The following VRK2 variants were observed in gnomAD, a reference collection of about 807,000 sequenced individuals.
VRK2 encodes the protein VRK serine/threonine kinase 2, also known as serine/threonine-protein kinase VRK2.
Under a neutral mutation model 57.6 loss-of-function variants are expected in VRK2, and 60 were observed. The observed-to-expected ratio is 1.04, with a 90% CI of 0.85 to 1.29. The LOEUF (loss-of-function observed/expected upper bound fraction) is 1.29. VRK2 is among the 50% of genes most tolerant of loss of function. The pLI, the probability that VRK2 is intolerant of heterozygous loss-of-function variation, is 0.00. For synonymous variants in VRK2, 231 were observed against 199.2 expected, an observed-to-expected ratio of 1.16 and a Z score of -1.35; for missense variants, 705 against 588.1, an observed-to-expected ratio of 1.20 and a Z score of -2.06.
At chr2:58,140,035 CTACTA>C (rs1681091017) in intron 11 of VRK2, among the ~76,000 whole-genome samples, 1 of 151,984 alleles carries the variant, frequency 6.6e-6, no homozygotes, top group African/African-American at 2.4e-5. Flanking sequence ...GATCTGTGGC[CTACTA>C]TGTACTATGA....
chr2:58,132,004 A>T (rs1270498331), intron 9 of VRK2, 76 bp downstream of exon 9: 2 of 1,547,362 alleles, frequency 1.3e-6, no homozygotes, highest in South Asian at 1.2e-5. Flanking sequence ...AACAACACAG[A>T]GAAGATTGGC....
chr2:58,138,102 C>T (rs1680807832), intron 10 of VRK2, among the ~76,000 whole-genome samples: 1 of 152,168 alleles, frequency 6.6e-6, no homozygotes, highest in Non-Finnish European at 1.5e-5. Flanking sequence ...GTTCCCAGCA[C>T]ATTCAACTCT....
chr2:58,044,668 T>C (rs1674604206), upstream of VRK2, among the ~76,000 whole-genome samples: 2 of 152,176 alleles, frequency 1.3e-5, no homozygotes, highest in South Asian at 4.1e-4. Context: ...AACTGACTTT[T>C]AAATAAAGAC....
intron 1 of VRK2, among the ~76,000 whole-genome samples, chr2:58,021,966 C>T (rs1331827048): frequency 2.0e-5 from 3 of 152,176 alleles, no homozygotes; most frequent in Admixed American, 6.5e-5. Context: ...CCACTTGAAA[C>T]CCTTAATCAG....
chr2:58,026,270 C>T (rs1020334232), intron 2 of VRK2, among the ~76,000 whole-genome samples: 1 of 151,678 alleles, frequency 6.6e-6, no homozygotes, highest in Non-Finnish European at 1.5e-5. Context: ...GCCAGTGAGA[C>T]TAATTGTGTG....
chr2:58,110,204 T>G (rs1675354054), intron 7 of VRK2, among the ~76,000 whole-genome samples: 1 of 152,232 alleles, frequency 6.6e-6, no homozygotes. Flanking sequence ...ATTCCATTCT[T>G]TAATCAAGGC....
intron 2 of VRK2, among the ~76,000 whole-genome samples, chr2:58,057,490 A>T (rs1480338414): frequency 8.0e-6 from 1 of 125,204 alleles, no homozygotes; most frequent in African/African-American, 2.6e-5. Context: ...TTGTGTTAAG[A>T]CAAATCAGTT....
At chr2:58,091,007 CTATA>C (rs1672298111) in intron 7 of VRK2, among the ~76,000 whole-genome samples, 2 of 152,154 alleles carry the variant, frequency 1.3e-5, no homozygotes, top group African/African-American at 4.8e-5. Context: ...AAAGGCAAAA[CTATA>C]GAGACAGTAA....
chr2:58,001,472 G>A (rs1207742094), intron 1 of VRK2, among the ~76,000 whole-genome samples: 1 of 152,146 alleles, frequency 6.6e-6, no homozygotes, highest in African/African-American at 2.4e-5. Flanking sequence ...TTTGTTTCAT[G>A]TAAGAATTAA....
chr2:57,945,761 T>C (rs1010870696), intron 1 of VRK2, among the ~76,000 whole-genome samples: 2 of 152,166 alleles, frequency 1.3e-5, no homozygotes, highest in Non-Finnish European at 2.9e-5. Context: ...GAATGTCTAA[T>C]TCTCTCATAT....
intron 1 of VRK2, among the ~76,000 whole-genome samples, chr2:57,919,665 G>A (rs1260102657): frequency 6.6e-6 from 1 of 151,934 alleles, no homozygotes; most frequent in Non-Finnish European, 1.5e-5. Flanking sequence ...ACTGAGCAAG[G>A]TTATATTTTT....
intron 1 of VRK2, among the ~76,000 whole-genome samples, chr2:57,917,920 C>T (rs1050770419): frequency 4.6e-5 from 7 of 151,732 alleles, no homozygotes; most frequent in Admixed American, 3.3e-4. Flanking sequence ...TTGCAGCTGC[C>T]CTGTATATTC....
At chr2:57,916,378 C>G (rs908622897) in intron 1 of VRK2, among the ~76,000 whole-genome samples, 4 of 150,090 alleles carry the variant, frequency 2.7e-5, no homozygotes, top group Admixed American at 2.0e-4. Flanking sequence ...TGCACTCCAG[C>G]CTGGCAACAA....
chr2:58,099,245 T>G (rs13384786), intron 7 of VRK2, among the ~76,000 whole-genome samples: 12,150 of 152,102 alleles, frequency 0.08, 521 homozygotes, highest in South Asian at 0.14. Flanking sequence ...AGGCACCTCT[T>G]TGTTTATCAG....
At chr2:57,937,940 T>C (rs1406835170) in intron 1 of VRK2, among the ~76,000 whole-genome samples, 2 of 148,644 alleles carry the variant, frequency 1.3e-5, no homozygotes. Context: ...CAAGCGATTC[T>C]CCTGCCTCAG....
chr2:57,975,767 T>C (rs1011412198), intron 1 of VRK2, among the ~76,000 whole-genome samples: 3 of 151,952 alleles, frequency 2.0e-5, no homozygotes, highest in Non-Finnish European at 2.9e-5. Flanking sequence ...TCTTTTTTTT[T>C]TTTACTTTTA....
At chr2:58,150,854 T>C (rs1682915638) in intron 12 of VRK2, among the ~76,000 whole-genome samples, 1 of 151,656 alleles carries the variant, frequency 6.6e-6, no homozygotes, top group Admixed American at 6.6e-5. Flanking sequence ...TTCAATGTAT[T>C]TTCTAATGTC....
chr2:57,969,800 C>T (rs1374855630), intron 1 of VRK2, among the ~76,000 whole-genome samples: 1 of 152,084 alleles, frequency 6.6e-6, no homozygotes, highest in African/African-American at 2.4e-5. Context: ...AGAAATCTCT[C>T]CTCTTATTCT....
At chr2:57,961,133 A>C (rs60780895) in intron 1 of VRK2, among the ~76,000 whole-genome samples, 2,244 of 152,358 alleles carry the variant, frequency 0.015, 84 homozygotes, top group African/African-American at 0.052. Context: ...CTCAGGAAGT[A>C]ACTATAAAGA....
Sources: gnomAD v4.1 joint callset for allele counts (sites outside exome capture counted in the v4.1 genomes callset) on GRCh38, gnomAD v4.1.1 for gene constraint, MANE v1.5 for transcripts, NCBI Gene and HGNC (gene_info 2026-07-23, HGNC 2026-07-21) for gene names.